The following GMDS variants were observed in gnomAD, a reference collection of about 807,000 sequenced individuals.
The protein encoded by GMDS is GDP-mannose 4,6 dehydratase.
A neutral mutation model predicts 49.9 loss-of-function variants in GMDS; 20 were observed. The observed-to-expected ratio is 0.40, with a 90% confidence interval of 0.28 to 0.58. The LOEUF is 0.58. Among genes scored for constraint, GMDS ranks in the 20% least tolerant of loss-of-function variants. The pLI is 0.42. For synonymous variants in GMDS, 177 were observed against 178.6 expected, an observed-to-expected ratio of 0.99 and a Z score of 0.07; for missense variants, 362 against 481.4, an observed-to-expected ratio of 0.75 and a Z score of 2.32.
chr6:1,863,471 A>C (rs1758290096), intron 7 of GMDS, among the ~76,000 whole-genome samples: 2 of 152,138 alleles, frequency 1.3e-5, no homozygotes, highest in African/African-American at 4.8e-5. Context: ...TTATAAACAC[A>C]GAAAAATATT....
chr6:2,211,337 A>G (rs1234405963), intron 1 of GMDS, among the ~76,000 whole-genome samples: 2 of 152,296 alleles, frequency 1.3e-5, no homozygotes, highest in African/African-American at 4.8e-5. Flanking sequence ...ACCTGAACAT[A>G]GTGGGTGTTC....
chr6:1,888,758 CT>C (rs1204238226), intron 7 of GMDS, among the ~76,000 whole-genome samples: 1 of 152,180 alleles, frequency 6.6e-6, no homozygotes, highest in Non-Finnish European at 1.5e-5. Context: ...CCTGCAAAAT[CT>C]AAAGCAAGTT....
intron 4 of GMDS, among the ~76,000 whole-genome samples, chr6:2,017,394 C>T (rs1218251403): frequency 1.3e-5 from 2 of 152,206 alleles, no homozygotes; most frequent in East Asian, 1.9e-4. Flanking sequence ...CTGCAACCTC[C>T]GCCTCCTGGG....
chr6:2,113,677 A>G (rs1774683240), intron 4 of GMDS, among the ~76,000 whole-genome samples: 1 of 152,062 alleles, frequency 6.6e-6, no homozygotes, highest in South Asian at 2.1e-4. Flanking sequence ...CCCAGACGGA[A>G]GTTCTCTCTT....
chr6:2,239,935 T>C (rs1004643362), intron 1 of GMDS, among the ~76,000 whole-genome samples: 4 of 151,976 alleles, frequency 2.6e-5, no homozygotes, highest in African/African-American at 9.7e-5. Context: ...ATCCAGAGAT[T>C]TGGGAGGCCC....
chr6:1,922,461 G>T (rs1761763715), intron 7 of GMDS, among the ~76,000 whole-genome samples: 1 of 152,168 alleles, frequency 6.6e-6, no homozygotes, highest in Non-Finnish European at 1.5e-5. Flanking sequence ...GCAGGTCCCT[G>T]GTGAAGCTCC....
intron 4 of GMDS, among the ~76,000 whole-genome samples, chr6:2,042,007 G>T (rs1377111837): frequency 6.6e-6 from 1 of 152,148 alleles, no homozygotes; most frequent in African/African-American, 2.4e-5. Context: ...TAATGGAAAA[G>T]ATATCACTTA....
intron 1 of GMDS, among the ~76,000 whole-genome samples, chr6:2,230,745 A>G (rs1781050211): frequency 1.3e-5 from 2 of 150,768 alleles, no homozygotes; most frequent in Non-Finnish European, 1.5e-5. Context: ...AGCCAAAAGG[A>G]AAAAAAAAGG....
At chr6:2,089,359 G>A (rs1419739287) in intron 4 of GMDS, among the ~76,000 whole-genome samples, 1 of 152,082 alleles carries the variant, frequency 6.6e-6, no homozygotes, top group Non-Finnish European at 1.5e-5. Flanking sequence ...TAGACTATTT[G>A]TGAGATGACA....
At chr6:2,157,867 T>C (rs886161472) in intron 1 of GMDS, among the ~76,000 whole-genome samples, 4 of 152,216 alleles carry the variant, frequency 2.6e-5, no homozygotes, top group African/African-American at 9.6e-5. Flanking sequence ...CCTTCATTCC[T>C]CAAGGGTAAA....
intron 9 of GMDS, among the ~76,000 whole-genome samples, chr6:1,652,092 G>A (rs1309032705): frequency 6.6e-6 from 1 of 151,620 alleles, no homozygotes; most frequent in South Asian, 2.1e-4. Flanking sequence ...TCCTTAACAG[G>A]CCGGGTGTGG....
chr6:2,161,147 G>C (rs1000453880), intron 1 of GMDS, among the ~76,000 whole-genome samples: 2 of 151,872 alleles, frequency 1.3e-5, no homozygotes, highest in African/African-American at 4.8e-5. Context: ...AAGTAGCTGG[G>C]ACTACGGGCA....
intron 7 of GMDS, among the ~76,000 whole-genome samples, chr6:1,854,483 T>C (rs1757856504): frequency 6.6e-6 from 1 of 152,228 alleles, no homozygotes; most frequent in East Asian, 1.9e-4. Flanking sequence ...GGTTTCCAAC[T>C]GGGAGTGATT....
chr6:2,071,954 GA>G (rs1201556734), intron 4 of GMDS, among the ~76,000 whole-genome samples: 7 of 152,170 alleles, frequency 4.6e-5, no homozygotes, highest in South Asian at 2.1e-4. Context: ...ACGAAGGGGG[GA>G]AAAAAGAGTA....
intron 7 of GMDS, among the ~76,000 whole-genome samples, chr6:1,748,535 T>G (rs1767603363): frequency 6.6e-6 from 1 of 152,236 alleles, no homozygotes; most frequent in Non-Finnish European, 1.5e-5. Flanking sequence ...TCCATACTTT[T>G]CCTGTTTACT....
intron 4 of GMDS, among the ~76,000 whole-genome samples, chr6:2,014,943 C>T (rs867355343): frequency 1.3e-5 from 2 of 151,816 alleles, no homozygotes; most frequent in African/African-American, 4.8e-5. Flanking sequence ...TCAGAGAGAA[C>T]AAAGAAAATT....
intron 9 of GMDS, among the ~76,000 whole-genome samples, chr6:1,629,512 G>A (rs781582426): frequency 2.0e-5 from 3 of 152,222 alleles, no homozygotes; most frequent in Non-Finnish European, 2.9e-5. Flanking sequence ...ACTGGCCCGA[G>A]GAGGGTGCAG....
chr6:2,243,843 C>CTTTTTTT lies in GMDS; in HGVS notation c.102+1471_102+1477dup, dbSNP rs68171156. 4.1e-3 allele frequency among the ~76,000 whole-genome samples: 239 copies of CTTTTTTT among 58,138 alleles called. 28 individuals carry two copies. Among genetic ancestry groups the CTTTTTTT allele is most frequent in the African/African-American group, 0.012 (202 of 16,644 alleles). The allele number at this position is 58,138 out of a possible 152,430, so 38.1% of individuals were successfully genotyped here. ...ATCTGGCCAATTTCAACTTCTCCTT[C>CTTTTTTT]TTTTTTTTTTTTTTTTTTTTTTTTT... On this transcript the variant is annotated intron_variant, in intron 1 of 10. Coordinates refer to ENST00000380815, the MANE Select transcript of GMDS (RefSeq NM_001500.4).
intron 7 of GMDS, among the ~76,000 whole-genome samples, chr6:1,810,666 G>C (rs946471790): frequency 6.6e-6 from 1 of 152,126 alleles, no homozygotes; most frequent in Non-Finnish European, 1.5e-5. Flanking sequence ...AGACAGGGAG[G>C]AGGGGAAGAG....
Sources: gnomAD v4.1 joint callset for allele counts (sites outside exome capture counted in the v4.1 genomes callset) on GRCh38, gnomAD v4.1.1 for gene constraint, MANE v1.5 for transcripts, NCBI Gene and HGNC (gene_info 2026-07-23, HGNC 2026-07-21) for gene names.